FAM184A: variants seen among roughly 807,000 people sequenced by gnomAD.
The protein encoded by FAM184A is protein FAM184A.
In FAM184A, 99 loss-of-function variants were observed where a neutral mutation model predicts 143.8. That is an observed-to-expected ratio of 0.69 (90% confidence interval 0.58 to 0.81). The LOEUF is 0.81. FAM184A is among the 40% of genes least tolerant of loss of function. The probability of loss-of-function intolerance (pLI) is 0.00; values close to 1 mark genes in which losing one functional copy is unlikely to be tolerated. For missense variants in FAM184A, 1,217 were observed against 1,310.5 expected (o/e 0.93, Z 1.10); for synonymous variants, 427 against 446.4 (o/e 0.96, Z 0.55).
intron 1 of FAM184A, among the ~76,000 whole-genome samples, chr6:119,104,139 C>G (rs527519725): frequency 2.0e-5 from 3 of 151,798 alleles, no homozygotes; most frequent in African/African-American, 7.3e-5. Context: ...CAGGCTCAAA[C>G]GATCCTCCCA....
intron 1 of FAM184A, among the ~76,000 whole-genome samples, chr6:119,126,165 C>A (rs1236943689): frequency 6.6e-6 from 1 of 152,194 alleles, no homozygotes; most frequent in Non-Finnish European, 1.5e-5. Context: ...GTGATTGCCA[C>A]CTTCTTGCTC....
At chr6:118,969,995 TATATATATA>T (rs1783634015) in intron 14 of FAM184A, among the ~76,000 whole-genome samples, 3 of 19,856 alleles carry the variant, frequency 1.5e-4, no homozygotes, top group South Asian at 2.8e-3. Flanking sequence ...ATATATATAA[TATATATATA>T]TATATTTTTT....
intron 1 of FAM184A, among the ~76,000 whole-genome samples, chr6:119,125,506 C>T (rs1191138932): frequency 2.6e-5 from 4 of 152,272 alleles, no homozygotes; most frequent in Admixed American, 6.5e-5. Flanking sequence ...CTCCTGACCT[C>T]GTGATCTAGC....
chr6:118,978,924 T>C (rs1215648000), intron 11 of FAM184A, among the ~76,000 whole-genome samples: 1 of 152,206 alleles, frequency 6.6e-6, no homozygotes, highest in Non-Finnish European at 1.5e-5. Flanking sequence ...ACCTCATAGG[T>C]AGAAATCTCA....
chr6:119,112,646 T>C (rs139613705), intron 1 of FAM184A, among the ~76,000 whole-genome samples: 1 of 152,222 alleles, frequency 6.6e-6, no homozygotes. Flanking sequence ...TTACCTGTTA[T>C]ACCCTGAAGA....
At chr6:118,982,366 T>C (rs1784049898) in intron 9 of FAM184A, among the ~76,000 whole-genome samples, 1 of 152,208 alleles carries the variant, frequency 6.6e-6, no homozygotes, top group Non-Finnish European at 1.5e-5. Context: ...TGGGGACCCA[T>C]GGGACTGCCT....
chr6:119,006,860 G>C (rs1051248393), intron 6 of FAM184A, among the ~76,000 whole-genome samples: 3 of 152,078 alleles, frequency 2.0e-5, no homozygotes, highest in Non-Finnish European at 2.9e-5. Context: ...GTTTAACAAA[G>C]AGAATTCCTA....
intron 1 of FAM184A, among the ~76,000 whole-genome samples, chr6:119,034,525 T>C (rs1407321825): frequency 2.6e-5 from 4 of 151,668 alleles, no homozygotes; most frequent in Admixed American, 1.3e-4. Context: ...GGATCCCACA[T>C]TGTATTGAGT....
At chr6:119,046,934 G>A (rs567285728) in intron 1 of FAM184A, among the ~76,000 whole-genome samples, 11 of 152,138 alleles carry the variant, frequency 7.2e-5, no homozygotes, top group Non-Finnish European at 1.5e-4. Flanking sequence ...AATCAACCAA[G>A]TGAAGAGACA....
chr6:119,089,186 CTTTA>C (rs78123118), intron 1 of FAM184A, among the ~76,000 whole-genome samples: 1 of 142,394 alleles, frequency 7.0e-6, no homozygotes, highest in African/African-American at 2.7e-5. Context: ...ATCTCTCTCT[CTTTA>C]TTTATTTATT....
intron 9 of FAM184A, among the ~76,000 whole-genome samples, chr6:118,989,800 A>ACATT (rs1282257258): frequency 1.5e-5 from 2 of 134,906 alleles, no homozygotes; most frequent in African/African-American, 5.5e-5. Flanking sequence ...TAGTATTTTT[A>ACATT]CATTTATTTA....
chr6:118,987,896 T>C (rs1784242253), intron 9 of FAM184A, among the ~76,000 whole-genome samples: 1 of 152,212 alleles, frequency 6.6e-6, no homozygotes. Flanking sequence ...GTGGTAGATG[T>C]ATGCATACAC....
intron 1 of FAM184A, among the ~76,000 whole-genome samples, chr6:119,137,809 T>C (rs1223654627): frequency 1.3e-5 from 2 of 152,212 alleles, no homozygotes; most frequent in Admixed American, 1.3e-4. Flanking sequence ...CTCCGATGTC[T>C]ACGTGCCAGG....
chr6:119,020,459 C>G (rs191505935), intron 3 of FAM184A, among the ~76,000 whole-genome samples: 19 of 151,916 alleles, frequency 1.3e-4, no homozygotes, highest in African/African-American at 3.9e-4. Context: ...AGATTGCAAG[C>G]TAAACAGGTT....
At chr6:119,027,675 A>T (rs1158763061) in intron 1 of FAM184A, among the ~76,000 whole-genome samples, 1 of 152,186 alleles carries the variant, frequency 6.6e-6, no homozygotes, top group Non-Finnish European at 1.5e-5. Flanking sequence ...AGCTCCAGAG[A>T]TGTTTGCTTT....
At position 119,136,712 on chromosome 6, in the gene FAM184A, C is replaced by T. The variant is rs556107758; in HGVS notation, c.-202+12366G>A. Among the ~76,000 whole-genome samples the T allele has an allele frequency of 1.2e-4, 18 of 152,266 alleles. No individual in the cohort carries two copies. In the South Asian group the frequency reaches 3.1e-3, roughly 26 times the overall value. On this transcript the variant is annotated intron_variant, in intron 1 of 16. Transcript: ENST00000352896. The stretch of plus-strand genomic sequence containing the variant: ...CTAGATACTATCATGAAAATAAACT[C>T]GCTTCAGTATTTTTTCAATTCTTGT...
chr6:118,966,985 T>C, intron 14 of FAM184A, 33 bp from the exon 15 acceptor site: 1 of 1,028,380 alleles, frequency 9.7e-7, no homozygotes, highest in Non-Finnish European at 1.5e-6. Context: ...CTCATTGATA[T>C]CACTCAGATA....
intron 1 of FAM184A, among the ~76,000 whole-genome samples, chr6:119,056,047 C>A (rs1283700440): frequency 6.6e-6 from 1 of 152,160 alleles, no homozygotes; most frequent in Admixed American, 6.5e-5. Context: ...ACTACCATAT[C>A]ACTAAGCAGG....
chr6:119,107,790 A>AG (rs1788827157), intron 1 of FAM184A, among the ~76,000 whole-genome samples: 1 of 137,836 alleles, frequency 7.3e-6, no homozygotes, highest in African/African-American at 2.7e-5. Flanking sequence ...AAAAAAAAAA[A>AG]AAAAAGAAAG....
Sources: allele counts gnomAD v4.1 joint callset (sites outside exome capture counted in the v4.1 genomes callset), GRCh38; gene constraint gnomAD v4.1.1; transcripts MANE v1.5; gene names NCBI Gene and HGNC (gene_info 2026-07-23, HGNC 2026-07-21).